The following SPIDR variants were observed in gnomAD, a reference collection of about 807,000 sequenced individuals.
SPIDR encodes DNA repair-scaffolding protein.
SPIDR carries 93 observed loss-of-function variants against 104.6 expected under a neutral mutation model. That is an observed-to-expected ratio of 0.89 (90% CI 0.75 to 1.06). The LOEUF is 1.06. Among genes scored for constraint, SPIDR ranks in the 50% least tolerant of loss-of-function variants. The probability of loss-of-function intolerance (pLI) is 0.00; values close to 1 mark genes in which losing one functional copy is unlikely to be tolerated. For missense variants in SPIDR, 1,154 were observed against 1,111.2 expected (o/e 1.04, Z -0.55); for synonymous variants, 431 against 416.9 (o/e 1.03, Z -0.41).
chr8:47,326,952 T>G (rs2047757412), intron 5 of SPIDR, among the ~76,000 whole-genome samples: 1 of 152,224 alleles, frequency 6.6e-6, no homozygotes, highest in Non-Finnish European at 1.5e-5. Flanking sequence ...TTCTCTTGGA[T>G]ATATATGAAG....
In SPIDR at chr8:47,702,022, A is replaced by G. The variant is rs1563595531; in HGVS notation, c.1977+7A>G. ...GATTTACCAAAAACCACAGGTAATA[A>G]TCTCTCTCAATCTCTCAATCTCTCA... On this transcript the variant is annotated splice_region_variant and intron_variant, in intron 14 of 19. Coordinates refer to ENST00000297423, the MANE Select transcript of SPIDR (RefSeq NM_001080394.4). The G allele has an allele frequency of 1.3e-6, 2 of 1,597,324 alleles. No individual in the cohort carries two copies. The highest frequency in any genetic ancestry group is 8.5e-7 in the Non-Finnish European group (1 of 1,172,528).
intron 5 of SPIDR, among the ~76,000 whole-genome samples, chr8:47,360,258 A>G (rs1330885118): frequency 6.7e-6 from 1 of 149,752 alleles, no homozygotes; most frequent in Non-Finnish European, 1.5e-5. Context: ...AAAAAAAAAA[A>G]AAAAAAAAAA....
chr8:47,494,461 T>C (rs1586669737), intron 8 of SPIDR, among the ~76,000 whole-genome samples: 1 of 152,142 alleles, frequency 6.6e-6, no homozygotes, highest in African/African-American at 2.4e-5. Context: ...TAGAAATAAA[T>C]ATTAGTGTAA....
chr8:47,606,811 C>T (rs1054261929), intron 10 of SPIDR, among the ~76,000 whole-genome samples: 21 of 152,188 alleles, frequency 1.4e-4, no homozygotes, highest in Admixed American at 1.4e-3. Context: ...GGTTGTGAAC[C>T]GTTACTTTTC....
chr8:47,488,118 T>A (rs903087784), intron 8 of SPIDR, among the ~76,000 whole-genome samples: 2 of 150,788 alleles, frequency 1.3e-5, no homozygotes, highest in African/African-American at 4.9e-5. Context: ...CAAGACCTAA[T>A]AAGAAAAGAG....
At chr8:47,624,475 T>C (rs1333877160) in intron 10 of SPIDR, among the ~76,000 whole-genome samples, 1 of 151,830 alleles carries the variant, frequency 6.6e-6, no homozygotes, top group Non-Finnish European at 1.5e-5. Context: ...ATCAACAAAA[T>C]TGATAGACCA....
chr8:47,675,973 G>C (rs934593140), intron 11 of SPIDR, among the ~76,000 whole-genome samples: 1 of 152,220 alleles, frequency 6.6e-6, no homozygotes, highest in Non-Finnish European at 1.5e-5. Context: ...CCCGCCACAG[G>C]ATGTTCCAGC....
intron 10 of SPIDR, among the ~76,000 whole-genome samples, chr8:47,625,395 G>A (rs1266739778): frequency 1.3e-5 from 2 of 152,164 alleles, no homozygotes; most frequent in African/African-American, 4.8e-5. Context: ...AGGGCAGTCA[G>A]GCAGGAGAAG....
chr8:47,411,682 G>T (rs1226874330), intron 7 of SPIDR, among the ~76,000 whole-genome samples: 1 of 152,030 alleles, frequency 6.6e-6, no homozygotes, highest in South Asian at 2.1e-4. Flanking sequence ...GTCAATTTTG[G>T]CTTTTGTTGC....
At chr8:47,492,088 A>G (rs2078810623) in intron 8 of SPIDR, among the ~76,000 whole-genome samples, 1 of 152,112 alleles carries the variant, frequency 6.6e-6, no homozygotes, top group African/African-American at 2.4e-5. Context: ...CTGCATAACT[A>G]GACCCCTGTG....
At chr8:47,531,191 C>A (rs1486533833) in intron 8 of SPIDR, among the ~76,000 whole-genome samples, 1 of 152,180 alleles carries the variant, frequency 6.6e-6, no homozygotes, top group Non-Finnish European at 1.5e-5. Flanking sequence ...TGTACCCAAC[C>A]TTTTTTAAAA....
At chr8:47,355,252 G>T (rs2054292502) in intron 5 of SPIDR, among the ~76,000 whole-genome samples, 1 of 145,924 alleles carries the variant, frequency 6.9e-6, no homozygotes. Context: ...CACCATGCCT[G>T]GCCGATGAAG....
intron 16 of SPIDR, among the ~76,000 whole-genome samples, chr8:47,724,514 G>A (rs1286502590): frequency 1.3e-5 from 2 of 152,166 alleles, no homozygotes; most frequent in Non-Finnish European, 2.9e-5. Context: ...GCTCTGCCCT[G>A]GTCCAGAAGA....
At chr8:47,601,164 A>C (rs942601215) in intron 10 of SPIDR, among the ~76,000 whole-genome samples, 2 of 152,352 alleles carry the variant, frequency 1.3e-5, no homozygotes, top group East Asian at 3.9e-4. Context: ...CATGAACTTC[A>C]AAAACAAGAA....
chr8:47,382,458 G>A (rs1426129916), intron 5 of SPIDR, among the ~76,000 whole-genome samples: 3 of 152,126 alleles, frequency 2.0e-5, no homozygotes, highest in Non-Finnish European at 4.4e-5. Context: ...CTGTTGCCAG[G>A]CTGGAGTACA....
At chr8:47,674,476 G>A (rs2076170908) in intron 11 of SPIDR, among the ~76,000 whole-genome samples, 2 of 151,890 alleles carry the variant, frequency 1.3e-5, no homozygotes, top group Non-Finnish European at 2.9e-5. Flanking sequence ...TACATCTCCA[G>A]TAATCATTCT....
At chr8:47,396,081 C>T (rs1438348478) in intron 5 of SPIDR, among the ~76,000 whole-genome samples, 1 of 152,196 alleles carries the variant, frequency 6.6e-6, no homozygotes, top group Non-Finnish European at 1.5e-5. Flanking sequence ...GAGATTGCCT[C>T]TATGTGTGGT....
intron 8 of SPIDR, among the ~76,000 whole-genome samples, chr8:47,447,525 T>C (rs1279347022): frequency 6.6e-6 from 1 of 152,222 alleles, no homozygotes; most frequent in Non-Finnish European, 1.5e-5. Context: ...GAAACGGGTT[T>C]CTTTAGATGG....
At chr8:47,385,908 C>T (rs1052704231) in intron 5 of SPIDR, among the ~76,000 whole-genome samples, 1 of 152,034 alleles carries the variant, frequency 6.6e-6, no homozygotes, top group Non-Finnish European at 1.5e-5. Context: ...GTCATTTCTT[C>T]TATGGACTTT....
Sources: gnomAD v4.1 joint callset for allele counts (sites outside exome capture counted in the v4.1 genomes callset) on GRCh38, gnomAD v4.1.1 for gene constraint, MANE v1.5 for transcripts, NCBI Gene and HGNC (gene_info 2026-07-23, HGNC 2026-07-21) for gene names.